The following FBXO34 variants were observed in gnomAD, a reference collection of about 807,000 sequenced individuals.
FBXO34 encodes F-box only protein 34.
FBXO34 carries 12 observed loss-of-function variants against 24.5 expected under a neutral mutation model. The observed-to-expected ratio is 0.49, with a 90% CI of 0.31 to 0.79. FBXO34 has a LOEUF of 0.79. Ranked by LOEUF, FBXO34 falls within the 30% of genes least tolerant of loss-of-function variation. The pLI, the probability that FBXO34 is intolerant of heterozygous loss-of-function variation, is 0.04. For synonymous variants in FBXO34, 320 were observed against 311.9 expected, an observed-to-expected ratio of 1.03 and a Z score of -0.27; for missense variants, 823 against 857.7, an observed-to-expected ratio of 0.96 and a Z score of 0.51.
chr14:55,388,826 A>AG, the FBXO34 span, among the ~76,000 whole-genome samples: 2 of 152,234 alleles, frequency 1.3e-5, no homozygotes, highest in Non-Finnish European at 2.9e-5. Flanking sequence ...AACCCTGGCA[A>AG]GTCATCAGAA....
chr14:55,383,614 AAAT>A, the FBXO34 span, among the ~76,000 whole-genome samples: 1 of 151,934 alleles, frequency 6.6e-6, no homozygotes, highest in Admixed American at 6.6e-5. Flanking sequence ...GAACAACAAA[AAAT>A]AACAAGCCCA....
At chr14:55,303,401 T>A (rs1318908767) in intron 1 of FBXO34, among the ~76,000 whole-genome samples, 1 of 152,174 alleles carries the variant, frequency 6.6e-6, no homozygotes, top group Non-Finnish European at 1.5e-5. Context: ...GTAGCTTCTC[T>A]TAGGGCAGAA....
At chr14:55,362,157 T>C (rs1156274169), downstream of FBXO34, among the ~76,000 whole-genome samples, 1 of 152,182 alleles carries the variant, frequency 6.6e-6, no homozygotes, top group Non-Finnish European at 1.5e-5. Flanking sequence ...TGTAGGGCTA[T>C]AATTGGCCCG....
At chr14:55,294,742 A>C (rs1266136800) in intron 1 of FBXO34, among the ~76,000 whole-genome samples, 1 of 152,206 alleles carries the variant, frequency 6.6e-6, no homozygotes, top group Non-Finnish European at 1.5e-5. Context: ...GCTAAGTTTA[A>C]GAACTGTATA....
At chr14:55,283,210 G>A (rs370882177) in intron 1 of FBXO34, among the ~76,000 whole-genome samples, 4 of 151,916 alleles carry the variant, frequency 2.6e-5, no homozygotes, top group South Asian at 4.1e-4. Flanking sequence ...TTATTGAATC[G>A]TCTTTCATTT....
At chr14:55,344,322 T>C (rs74050974) in intron 1 of FBXO34, among the ~76,000 whole-genome samples, 1 of 150,074 alleles carries the variant, frequency 6.7e-6, no homozygotes, top group African/African-American at 2.4e-5. Flanking sequence ...TTTACAGACT[T>C]TTTTTTTTTC....
the FBXO34 span, among the ~76,000 whole-genome samples, chr14:55,393,161 C>G: frequency 6.6e-6 from 1 of 152,130 alleles, no homozygotes; most frequent in Non-Finnish European, 1.5e-5. Flanking sequence ...GTGGGCGGAT[C>G]ACGAGGTCAG....
chr14:55,440,345 G>C, the FBXO34 span: 1 of 1,609,066 alleles, frequency 6.2e-7, no homozygotes, highest in Non-Finnish European at 8.5e-7. Flanking sequence ...CCTTGGCACA[G>C]GACCGGGCGG....
At chr14:55,365,242 A>AC (rs1444635604), downstream of FBXO34, among the ~76,000 whole-genome samples, 1,856 of 141,920 alleles carry the variant, frequency 0.013, 52 homozygotes, top group African/African-American at 0.047. Context: ...AAAAAAAAAA[A>AC]AAACAAAAAT....
chr14:55,335,035 CAAGTT>C (rs1459630055), intron 1 of FBXO34, among the ~76,000 whole-genome samples: 8 of 152,076 alleles, frequency 5.3e-5, no homozygotes, highest in African/African-American at 1.9e-4. Flanking sequence ...TCCCACCCAG[CAAGTT>C]AAGTTGACCC....
intron 3 of FBXO34, among the ~76,000 whole-genome samples, chr14:55,361,327 TTCTGAGCAGTAGG>T (rs1884592586): frequency 1.3e-5 from 2 of 152,234 alleles, no homozygotes; most frequent in Non-Finnish European, 2.9e-5. Flanking sequence ...GAATCTGGTT[TTCTGAGCAGTAGG>T]TCTCAATTGT....
chr14:55,383,964 G>C, the FBXO34 span, among the ~76,000 whole-genome samples: 2 of 152,272 alleles, frequency 1.3e-5, no homozygotes, highest in East Asian at 3.9e-4. Context: ...ACCAAGTTTA[G>C]ATTCTGTCCT....
intron 1 of FBXO34, among the ~76,000 whole-genome samples, chr14:55,275,841 A>AAAAT (rs1555334276): frequency 6.8e-6 from 1 of 147,834 alleles, no homozygotes; most frequent in Non-Finnish European, 1.5e-5. Flanking sequence ...AAAAAAAAAA[A>AAAAT]CGAGGATAAA....
chr14:55,385,922 C>T, the FBXO34 span: 14 of 1,614,154 alleles, frequency 8.7e-6, no homozygotes, highest in South Asian at 8.8e-5. Context: ...TATATGGGAT[C>T]GTCGAAGATT....
chr14:55,419,201 A>G, the FBXO34 span, among the ~76,000 whole-genome samples: 1 of 152,356 alleles, frequency 6.6e-6, no homozygotes, highest in East Asian at 1.9e-4. Flanking sequence ...GGCTCCTCAC[A>G]TGCCTGTTGC....
intron 1 of FBXO34, among the ~76,000 whole-genome samples, chr14:55,301,447 A>G (rs1285637687): frequency 6.6e-6 from 1 of 152,038 alleles, no homozygotes; most frequent in Non-Finnish European, 1.5e-5. Context: ...AAAAAAAAAA[A>G]ACAAGAAAAA....
chr14:55,277,063 A>G (rs1168508330), intron 1 of FBXO34, among the ~76,000 whole-genome samples: 1 of 152,228 alleles, frequency 6.6e-6, no homozygotes, highest in Non-Finnish European at 1.5e-5. Flanking sequence ...CTTAGTTTGA[A>G]CAAGTTCATA....
Position 55,281,991 on chromosome 14 carries a change from C to CTTTTT in FBXO34, c.-11+10474_-11+10478dup, listed in dbSNP as rs372305828. Among the ~76,000 whole-genome samples the CTTTTT allele has an allele frequency of 1.5e-3, 95 of 65,122 alleles. 2 individuals are homozygous for CTTTTT. The highest frequency in any genetic ancestry group is 2.1e-3 in the African/African-American group (27 of 13,084). 42.7% of individuals were successfully genotyped at this position (65,122 alleles called of 152,430 possible). A position where few individuals can be genotyped will look rare whatever the true frequency, so the allele number is the denominator to read the frequency against. On this transcript the variant is annotated intron_variant, in intron 1 of 1. Transcript: ENST00000313833. The stretch of plus-strand genomic sequence containing the variant: ...CAGTAAGTTTCATTTTTAAATTTAG[C>CTTTTT]TTTTTTTTTTTTTTTTTTTTTTTTG...
At position 55,350,741 on chromosome 14, in the gene FBXO34, G is replaced by C; in HGVS notation, c.351G>C (p.Lys117Asn). 6.2e-7 allele frequency: 1 copy of C among 1,608,306 alleles called. No homozygotes were observed. The highest frequency in any genetic ancestry group is 1.3e-5 in the African/African-American group (1 of 74,436). Residue 117 changes from lysine (K) to asparagine (N), a missense_variant, in exon 2 of 2, where the codon AAG becomes AAC. By Grantham distance (94) the Lys-to-Asn change is moderately conservative. This residue lies in a region of FBXO34 where 693 missense variants were observed against 659.1 expected (regional missense o/e 1.05). Coordinates refer to ENST00000313833, the MANE Select transcript of FBXO34 (RefSeq NM_017943.4). ...IWAVVKPGNT[K>N]EKIAFFASHQ... The stretch of plus-strand genomic sequence containing the variant: ...CTGTTGTGAAACCTGGAAATACCAA[G>C]GAAAAAATTGCATTCTTTGCATCCC...
Sources: gnomAD v4.1 joint callset for allele counts (sites outside exome capture counted in the v4.1 genomes callset) on GRCh38, gnomAD v4.1.1 for gene constraint, gnomAD v4.1.1 regional missense constraint, MANE v1.5 for transcripts, NCBI Gene and HGNC (gene_info 2026-07-23, HGNC 2026-07-21) for gene names.